The following SH3PXD2A variants were observed in gnomAD, a reference collection of about 807,000 sequenced individuals.
SH3PXD2A encodes SH3 and PX domains 2A, also known as SH3 and PX domain-containing protein 2A.
SH3PXD2A carries 32 observed loss-of-function variants against 115.2 expected under a neutral mutation model. The ratio of observed to expected loss-of-function variants is 0.28; its 90% CI spans 0.21 to 0.37. The LOEUF (loss-of-function observed/expected upper bound fraction) is 0.37. Ranked by LOEUF, SH3PXD2A falls within the 10% of genes least tolerant of loss-of-function variation. The probability of loss-of-function intolerance (pLI) is 1.00; values close to 1 mark genes in which losing one functional copy is unlikely to be tolerated. For synonymous variants in SH3PXD2A, 610 were observed against 629.1 expected, an observed-to-expected ratio of 0.97 and a Z score of 0.45; for missense variants, 1,328 against 1,498.7, an observed-to-expected ratio of 0.89 and a Z score of 1.88.
chr10:103,795,926 G>A (rs1468118977), intron 2 of SH3PXD2A, among the ~76,000 whole-genome samples: 2 of 93,468 alleles, frequency 2.1e-5, no homozygotes, highest in East Asian at 7.6e-4. Flanking sequence ...AAGGAAGGAA[G>A]GAAGGCAGGA....
intron 1 of SH3PXD2A, among the ~76,000 whole-genome samples, chr10:103,815,865 G>T (rs2039318760): frequency 6.6e-6 from 1 of 150,824 alleles, no homozygotes; most frequent in South Asian, 2.1e-4. Flanking sequence ...CTCCAGCCTG[G>T]GCAACACAGC....
rs751870356 is a variant in SH3PXD2A, at chr10:103,809,492, A to G, written c.73-8130T>C. 1.1e-4 allele frequency among the ~76,000 whole-genome samples: 17 copies of G among 152,298 alleles called. No individual in the cohort carries two copies. In the South Asian group the frequency reaches 2.3e-3, roughly 20 times the overall value. ...CGCTTCTACTGCAGACCTGGGCCAGATGGACCTTCTCTGGGGAAAAGGGTT... is the reference window on the plus strand; with the variant it reads ...CGCTTCTACTGCAGACCTGGGCCAGGTGGACCTTCTCTGGGGAAAAGGGTT... On this transcript the variant is annotated intron_variant, in intron 1 of 14. Transcript: ENST00000369774.
intron 1 of SH3PXD2A, among the ~76,000 whole-genome samples, chr10:103,826,714 T>C (rs2039433339): frequency 6.6e-6 from 1 of 152,222 alleles, no homozygotes; most frequent in African/African-American, 2.4e-5. Context: ...TCTCAGCTAC[T>C]CTGTAACATC....
At chr10:103,775,714 C>T (rs776890353) in intron 2 of SH3PXD2A, among the ~76,000 whole-genome samples, 4 of 152,136 alleles carry the variant, frequency 2.6e-5, no homozygotes, top group Admixed American at 1.3e-4. Flanking sequence ...TTTATTCCAG[C>T]GACTTGAGGA....
At chr10:103,741,158 G>C (rs151225892) in intron 3 of SH3PXD2A, among the ~76,000 whole-genome samples, 2 of 152,310 alleles carry the variant, frequency 1.3e-5, no homozygotes, top group East Asian at 3.9e-4. Context: ...AGAAAAAGCA[G>C]CTGTGCAAAG....
Position 103,603,253 on chromosome 10 carries a change from T to C in SH3PXD2A, c.1965A>G (p.Lys655=), listed in dbSNP as rs755862764. 19 of 1,613,982 alleles carry C rather than the reference T, an allele frequency of 1.2e-5. No homozygotes were observed. The South Asian group carries it at 2.0e-4, about 17-fold the overall frequency. Residue 655 remains lysine, a synonymous_variant, in exon 15 of 15, where the codon AAA becomes AAG. Coordinates refer to ENST00000369774, the MANE Select transcript of SH3PXD2A (RefSeq NM_001394015.1). The stretch of plus-strand genomic sequence containing the variant: ...TGGGGGAGCCTGATTTGGGGGAGTT[T>C]TTCCTGGTCAGGGACAGCGAGGAGC... ...PGSSSLSLTR[K]NSPKSGSPKS...
chr10:103,757,437 T>C (rs1404232038), intron 3 of SH3PXD2A, among the ~76,000 whole-genome samples: 1 of 152,154 alleles, frequency 6.6e-6, no homozygotes, highest in Admixed American at 6.5e-5. Context: ...GATCAGAAAG[T>C]TCCTGGGGAA....
At chr10:103,714,888 G>A (rs2038087672) in intron 5 of SH3PXD2A, among the ~76,000 whole-genome samples, 1 of 152,208 alleles carries the variant, frequency 6.6e-6, no homozygotes, top group South Asian at 2.1e-4. Flanking sequence ...AGGCATGTGT[G>A]GGTGGACTTT....
At chr10:103,795,913 AGG>A (rs764275343) in intron 2 of SH3PXD2A, among the ~76,000 whole-genome samples, 175 of 106,470 alleles carry the variant, frequency 1.6e-3, no homozygotes, top group African/African-American at 5.3e-3. Context: ...AAAGGAAGGA[AGG>A]AAGGAAGGAA....
At chr10:103,854,251 A>G (rs1842920465) in intron 1 of SH3PXD2A, among the ~76,000 whole-genome samples, 1 of 152,194 alleles carries the variant, frequency 6.6e-6, no homozygotes, top group Admixed American at 6.5e-5. Flanking sequence ...TGAGCACTGG[A>G]ACTGCTCCTC....
chr10:103,638,824 G>T lies in SH3PXD2A; in HGVS notation c.605-11622C>A, dbSNP rs1416757408. ...AGGAACCAAGACCTCAATGCGCCTG[G>T]GTGACTGGGGCCAGGGATGGCCAGG... On this transcript the variant is annotated intron_variant, in intron 8 of 14. Coordinates refer to ENST00000369774, the MANE Select transcript of SH3PXD2A (RefSeq NM_001394015.1). Among the ~76,000 whole-genome samples the T allele has an allele frequency of 1.3e-5, 2 of 152,250 alleles. 1 individual carries two copies. Among genetic ancestry groups the T allele is most frequent in the Non-Finnish European group, 2.9e-5 (2 of 68,050 alleles).
chr10:103,835,741 C>T (rs1280456007), intron 1 of SH3PXD2A, among the ~76,000 whole-genome samples: 1 of 152,152 alleles, frequency 6.6e-6, no homozygotes, highest in Admixed American at 6.5e-5. Flanking sequence ...TGGGTCACAA[C>T]AACTTTTCCC....
intron 8 of SH3PXD2A, among the ~76,000 whole-genome samples, chr10:103,636,709 CCT>C (rs1457194292): frequency 5.3e-5 from 8 of 152,090 alleles, no homozygotes; most frequent in African/African-American, 1.7e-4. Context: ...TTAATTAAGT[CCT>C]CTGAGGTCAC....
intron 9 of SH3PXD2A, among the ~76,000 whole-genome samples, chr10:103,626,099 C>G (rs1592269817): frequency 6.6e-6 from 1 of 152,400 alleles, no homozygotes; most frequent in South Asian, 2.1e-4. Flanking sequence ...GGCCTTGTCC[C>G]TGGAAACCTG....
At chr10:103,741,719 G>A (rs1450677147) in intron 3 of SH3PXD2A, among the ~76,000 whole-genome samples, 1 of 152,194 alleles carries the variant, frequency 6.6e-6, no homozygotes, top group African/African-American at 2.4e-5. Flanking sequence ...CAGACTGCAC[G>A]GTGCAAAGGC....
intron 2 of SH3PXD2A, among the ~76,000 whole-genome samples, chr10:103,776,289 A>G (rs1354645482): frequency 1.3e-5 from 2 of 151,694 alleles, no homozygotes; most frequent in Admixed American, 6.6e-5. Context: ...GCTACTTGGG[A>G]CACTGGGGAG....
intron 5 of SH3PXD2A, among the ~76,000 whole-genome samples, chr10:103,702,612 T>C (rs1050509529): frequency 2.0e-5 from 3 of 151,592 alleles, no homozygotes; most frequent in African/African-American, 7.3e-5. Flanking sequence ...TGTGTGTGTG[T>C]GCATGCTGGG....
At chr10:103,701,412 TCCATCCATCCA>T (rs1191495034) in intron 5 of SH3PXD2A, among the ~76,000 whole-genome samples, 63 of 143,446 alleles carry the variant, frequency 4.4e-4, no homozygotes, top group African/African-American at 1.5e-3. Context: ...CCATCCACCA[TCCATCCATCCA>T]CCATCCATCC....
At chr10:103,741,702 G>C (rs545096702) in intron 3 of SH3PXD2A, among the ~76,000 whole-genome samples, 1 of 152,220 alleles carries the variant, frequency 6.6e-6, no homozygotes, top group Non-Finnish European at 1.5e-5. Flanking sequence ...GGTGGGCCTG[G>C]AGCCCACAGA....
Sources: gnomAD v4.1 joint callset for allele counts (sites outside exome capture counted in the v4.1 genomes callset) on GRCh38, gnomAD v4.1.1 for gene constraint, MANE v1.5 for transcripts, NCBI Gene and HGNC (gene_info 2026-07-23, HGNC 2026-07-21) for gene names.